Variants in MYO5A observed in about 807,000 individuals in gnomAD.
MYO5A encodes unconventional myosin-Va.
Under a neutral mutation model 249.7 loss-of-function variants are expected in MYO5A, and 98 were observed. The ratio of observed to expected loss-of-function variants is 0.39; its 90% CI spans 0.33 to 0.46. The LOEUF (loss-of-function observed/expected upper bound fraction) is 0.46. MYO5A is among the 20% of genes least tolerant of loss of function. MYO5A has a pLI of 0.98. For synonymous variants in MYO5A, 778 were observed against 810.6 expected (o/e 0.96, Z 0.68); for missense variants, 1,696 against 2,308.8 (o/e 0.73, Z 5.44).
chr15:52,417,643 C>A (rs1595638676), intron 4 of MYO5A, among the ~76,000 whole-genome samples: 1 of 152,094 alleles, frequency 6.6e-6, no homozygotes, highest in South Asian at 2.1e-4. Context: ...GGTCATGAGG[C>A]CCCTCCCCTC....
At chr15:52,331,563 A>C (rs1437234251) in intron 34 of MYO5A, 6 of 618,222 alleles carry the variant, frequency 9.7e-6, no homozygotes, top group African/African-American at 2.0e-5. Flanking sequence ...GATCAGATGC[A>C]AAAACATTAG....
intron 1 of MYO5A, among the ~76,000 whole-genome samples, chr15:52,523,407 T>C (rs1260109678): frequency 6.6e-6 from 1 of 152,206 alleles, no homozygotes; most frequent in African/African-American, 2.4e-5. Flanking sequence ...CAAACCATTA[T>C]TTTCATTCCA....
At chr15:52,340,456 G>A in intron 31 of MYO5A, 62 bp from the exon 32 acceptor site, 5 of 1,414,006 alleles carry the variant, frequency 3.5e-6, no homozygotes, top group East Asian at 2.3e-5. Flanking sequence ...CCTAACGGGT[G>A]TAAGGCATCG....
At chr15:52,446,996 C>T (rs1369567588) in intron 1 of MYO5A, among the ~76,000 whole-genome samples, 2 of 152,022 alleles carry the variant, frequency 1.3e-5, no homozygotes, top group East Asian at 3.9e-4. Flanking sequence ...ATTTGGACTT[C>T]TGAGTTAATA....
At chr15:52,449,687 C>G (rs889046665) in intron 1 of MYO5A, among the ~76,000 whole-genome samples, 9 of 152,156 alleles carry the variant, frequency 5.9e-5, no homozygotes, top group Non-Finnish European at 1.3e-4. Context: ...AGTCTCTTCT[C>G]TCTTTTAATG....
chr15:52,512,068 CAGG>C (rs1224528892), intron 1 of MYO5A, among the ~76,000 whole-genome samples: 1 of 150,432 alleles, frequency 6.6e-6, no homozygotes, highest in Non-Finnish European at 1.5e-5. Context: ...GAGGCTGAGG[CAGG>C]AGAATGGCGT....
At chr15:52,459,147 A>ATTTTTTTTTTTTTTTTTTTTTTTTT (rs531798708) in intron 1 of MYO5A, among the ~76,000 whole-genome samples, 11 of 64,286 alleles carry the variant, frequency 1.7e-4, no homozygotes, top group South Asian at 7.6e-4. Context: ...TTTTCCAGAA[A>ATTTTTTTTTTTTTTTTTTTTTTTTT]TTTTTTTTTT....
chr15:52,440,552 G>A (rs9920195), intron 1 of MYO5A, among the ~76,000 whole-genome samples: 5,996 of 152,264 alleles, frequency 0.039, 324 homozygotes, highest in African/African-American at 0.13. Context: ...AAAGGCATGA[G>A]TCACCGCACC....
chr15:52,408,096 G>T lies in MYO5A; in HGVS notation c.801C>A (p.Ala267=). The change falls in exon 7 of 42, where the codon GCC becomes GCA. Residue 267 remains alanine, a synonymous_variant. Transcript: ENST00000399233. Reference sequence around the variant, plus strand: ...TTTTAAATTCAGGTAACTTTGCTGAGGCACAAAGCTGATAGAAGATATGAT... The same window carrying T: ...TTTTAAATTCAGGTAACTTTGCTGATGCACAAAGCTGATAGAAGATATGAT... ...RNYHIFYQLC[A]SAKLPEFKML... 1 of 1,608,176 alleles carries T rather than the reference G, an allele frequency of 6.2e-7. No individual in the cohort carries two copies. Among genetic ancestry groups the T allele is most frequent in the Non-Finnish European group, 8.5e-7 (1 of 1,175,326 alleles).
chr15:52,401,123 T>G (rs2042734595), intron 9 of MYO5A, among the ~76,000 whole-genome samples: 1 of 145,624 alleles, frequency 6.9e-6, no homozygotes, highest in African/African-American at 2.5e-5. Flanking sequence ...CAGGCTGGAG[T>G]GCAGTGGCGC....
In MYO5A at chr15:52,471,890, T is replaced by C. The variant is rs1313504634; in HGVS notation, c.28-38605A>G. Among the ~76,000 whole-genome samples the C allele has an allele frequency of 2.6e-5, 4 of 151,974 alleles. No individual in the cohort carries two copies. In the East Asian group the frequency reaches 7.7e-4, roughly 29 times the overall value. On this transcript the variant is annotated intron_variant, in intron 1 of 41. Transcript: ENST00000399233. ...ATTTTTTAATTTGTTGTAGAGTCAG[T>C]GTCTCCCTATGTTGCCCAGGCTGGT...
At chr15:52,505,699 T>A in intron 1 of MYO5A, 1 of 1,301,358 alleles carries the variant, frequency 7.7e-7, no homozygotes, top group Non-Finnish European at 1.1e-6. Context: ...CGTCTTAGTC[T>A]GGGACTCATC....
intron 1 of MYO5A, among the ~76,000 whole-genome samples, chr15:52,499,695 T>C (rs1489138939): frequency 2.6e-5 from 4 of 152,244 alleles, no homozygotes; most frequent in South Asian, 2.1e-4. Flanking sequence ...TAATGTTCCA[T>C]TGTATAAATA....
chr15:52,367,961 G>C (rs1406228854), intron 22 of MYO5A, among the ~76,000 whole-genome samples: 3 of 151,160 alleles, frequency 2.0e-5, no homozygotes, highest in African/African-American at 7.3e-5. Flanking sequence ...AGGATTCCCA[G>C]GAAGGAAAAG....
intron 9 of MYO5A, among the ~76,000 whole-genome samples, chr15:52,398,761 G>A (rs1479350380): frequency 1.3e-5 from 2 of 152,192 alleles, no homozygotes; most frequent in African/African-American, 4.8e-5. Flanking sequence ...GGCTAAGGCA[G>A]GAGGATCACC....
intron 5 of MYO5A, among the ~76,000 whole-genome samples, chr15:52,411,401 T>G (rs777802286): frequency 7.9e-5 from 12 of 152,358 alleles, no homozygotes; most frequent in Admixed American, 3.9e-4. Flanking sequence ...TAGTTAAATC[T>G]AGCTTACAAA....
chr15:52,470,671 C>T (rs1298205510), intron 1 of MYO5A, among the ~76,000 whole-genome samples: 1 of 151,696 alleles, frequency 6.6e-6, no homozygotes, highest in Non-Finnish European at 1.5e-5. Flanking sequence ...AAGGCCATTC[C>T]TTACTGACAA....
chr15:52,382,180 G>T (rs2041777071), intron 16 of MYO5A, among the ~76,000 whole-genome samples: 1 of 152,216 alleles, frequency 6.6e-6, no homozygotes. Flanking sequence ...GGGATTACAG[G>T]TGTGAGCCAC....
intron 28 of MYO5A, 89 bp downstream of exon 28, chr15:52,351,165 G>C: frequency 3.1e-6 from 3 of 982,480 alleles, no homozygotes; most frequent in Non-Finnish European, 4.8e-6. Flanking sequence ...GCTCTTAAGT[G>C]TTTGCTGCAT....
Sources: gnomAD v4.1 joint callset for allele counts (sites outside exome capture counted in the v4.1 genomes callset) on GRCh38, gnomAD v4.1.1 for gene constraint, MANE v1.5 for transcripts, NCBI Gene and HGNC (gene_info 2026-07-23, HGNC 2026-07-21) for gene names.